PPP6R2: variants seen among roughly 807,000 people sequenced by gnomAD.
PPP6R2 encodes the protein serine/threonine-protein phosphatase 6 regulatory subunit 2.
In PPP6R2, 62 loss-of-function variants were observed where a neutral mutation model predicts 100.2. The observed-to-expected ratio is 0.62, with a 90% CI of 0.50 to 0.76. The LOEUF (loss-of-function observed/expected upper bound fraction) is 0.76, where lower values mean the gene tolerates loss of function less well. PPP6R2 is among the 30% of genes least tolerant of loss of function. PPP6R2 has a pLI of 0.00. For synonymous variants in PPP6R2, 525 were observed against 514.7 expected (o/e 1.02, Z -0.27); for missense variants, 1,142 against 1,276.3 (o/e 0.89, Z 1.60).
At chr22:50,352,309 C>G (rs1051029481) in intron 1 of PPP6R2, among the ~76,000 whole-genome samples, 5 of 152,190 alleles carry the variant, frequency 3.3e-5, no homozygotes, top group East Asian at 1.9e-4. Flanking sequence ...ATGAAACAAC[C>G]TCCGCTAGCT....
At chr22:50,351,743 C>T (rs1056002563) in intron 1 of PPP6R2, among the ~76,000 whole-genome samples, 3 of 152,126 alleles carry the variant, frequency 2.0e-5, no homozygotes, top group African/African-American at 7.2e-5. Context: ...AAGTGATTCT[C>T]CTGCCTCAGC....
chr22:50,333,700 G>C, the PPP6R2 span, among the ~76,000 whole-genome samples: 1 of 152,130 alleles, frequency 6.6e-6, no homozygotes, highest in Non-Finnish European at 1.5e-5. Context: ...GGGCCTGTTG[G>C]TTTTTCTTTT....
chr22:50,422,839 C>A (rs889869612), intron 9 of PPP6R2, among the ~76,000 whole-genome samples: 1 of 152,202 alleles, frequency 6.6e-6, no homozygotes, highest in African/African-American at 2.4e-5. Context: ...CTGCATAGCA[C>A]CCTCCTGACC....
the PPP6R2 span, among the ~76,000 whole-genome samples, chr22:50,337,812 G>C: frequency 6.8e-6 from 1 of 145,994 alleles, no homozygotes; most frequent in South Asian, 2.2e-4. Flanking sequence ...GGGCATGTGT[G>C]CTATCTGGGT....
intron 2 of PPP6R2, among the ~76,000 whole-genome samples, chr22:50,389,579 A>T (rs534940487): frequency 2.2e-4 from 30 of 137,148 alleles, no homozygotes; most frequent in Non-Finnish European, 3.8e-4. Flanking sequence ...TTTGAGATGG[A>T]GTCTCGCGCT....
At chr22:50,432,172 C>T (rs1375551063) in intron 11 of PPP6R2, 93 bp from the exon 12 acceptor site, 19 of 1,214,918 alleles carry the variant, frequency 1.6e-5, no homozygotes, top group Middle Eastern at 2.2e-4. Flanking sequence ...CAGACGTGGC[C>T]GCCAGCCAGC....
intron 3 of PPP6R2, among the ~76,000 whole-genome samples, chr22:50,405,502 T>G (rs1477038591): frequency 1.3e-5 from 1 of 76,814 alleles, no homozygotes; most frequent in Non-Finnish European, 2.6e-5. Context: ...CAGACGAGTG[T>G]GAAGGCCTGG....
At chr22:50,354,892 A>C (rs2046126170) in intron 1 of PPP6R2, among the ~76,000 whole-genome samples, 1 of 137,186 alleles carries the variant, frequency 7.3e-6, no homozygotes, top group Non-Finnish European at 1.6e-5. Flanking sequence ...TTTTTGAGAC[A>C]GTCTCATTCT....
upstream of PPP6R2, among the ~76,000 whole-genome samples, chr22:50,340,001 G>A (rs571207105): frequency 2.4e-4 from 33 of 137,274 alleles, no homozygotes; most frequent in East Asian, 7.3e-3. Context: ...GTTATGTGGC[G>A]TGTGTGTGGT....
Position 50,437,059 on chromosome 22 carries a change from C to A in PPP6R2, c.1674C>A (p.Ser558=). The change falls in exon 15 of 24, where the codon TCC becomes TCA. Residue 558 remains serine (S), a synonymous_variant. Transcript: ENST00000612753. ...AGGGTGCTTTCCCTAACGAGCTGTCCCTTCAGCAGGTGAGGGCGTGGCCGG... is the reference window on the plus strand; with the variant it reads ...AGGGTGCTTTCCCTAACGAGCTGTCACTTCAGCAGGTGAGGGCGTGGCCGG... ...DIEGAFPNEL[S]LQQAFSDYQI... 1 of 1,560,404 alleles carries A rather than the reference C, an allele frequency of 6.4e-7. No individual in the cohort carries two copies. The highest frequency in any genetic ancestry group is 2.4e-5 in the East Asian group (1 of 41,728).
At chr22:50,333,610 T>G in the PPP6R2 span, among the ~76,000 whole-genome samples, 4 of 152,288 alleles carry the variant, frequency 2.6e-5, no homozygotes, top group South Asian at 4.1e-4. Context: ...GGGATTACAG[T>G]CATGAGCCAC....
intron 3 of PPP6R2, among the ~76,000 whole-genome samples, chr22:50,400,078 A>G (rs1353157422): frequency 2.0e-5 from 3 of 152,238 alleles, no homozygotes; most frequent in Non-Finnish European, 4.4e-5. Context: ...TGATTGCAGA[A>G]TTAGAACTGC....
At chr22:50,376,778 G>A (rs993920649) in intron 2 of PPP6R2, among the ~76,000 whole-genome samples, 4 of 152,100 alleles carry the variant, frequency 2.6e-5, no homozygotes, top group African/African-American at 9.7e-5. Flanking sequence ...AGTGGCTCAC[G>A]CCTGTAATCC....
At chr22:50,364,570 A>G (rs895228115) in intron 1 of PPP6R2, among the ~76,000 whole-genome samples, 3 of 152,380 alleles carry the variant, frequency 2.0e-5, no homozygotes, top group Non-Finnish European at 2.9e-5. Flanking sequence ...AAACTGAGTT[A>G]TAATTCTCTG....
intron 2 of PPP6R2, among the ~76,000 whole-genome samples, chr22:50,372,547 TCAAAACAAAA>T (rs775994538): frequency 3.9e-5 from 6 of 151,984 alleles, no homozygotes; most frequent in Admixed American, 6.6e-5. Context: ...AGACTCTGTT[TCAAAACAAAA>T]CAAAACAAAA....
intron 8 of PPP6R2, among the ~76,000 whole-genome samples, chr22:50,422,028 G>A (rs1486241976): frequency 6.6e-6 from 1 of 152,062 alleles, no homozygotes; most frequent in Non-Finnish European, 1.5e-5. Flanking sequence ...CCATATTCTC[G>A]GATGTCGCAA....
intron 3 of PPP6R2, among the ~76,000 whole-genome samples, chr22:50,403,615 C>T (rs542907906): frequency 1.8e-4 from 28 of 152,214 alleles, no homozygotes; most frequent in Non-Finnish European, 3.5e-4. Context: ...CGCCAGCTCT[C>T]AGGCCCCCTC....
At chr22:50,392,325 A>G (rs2055765509) in intron 2 of PPP6R2, among the ~76,000 whole-genome samples, 1 of 147,504 alleles carries the variant, frequency 6.8e-6, no homozygotes, top group Admixed American at 6.9e-5. Context: ...AACATAGTGA[A>G]TCCCTGTCTC....
At chr22:50,401,825 A>G (rs1258231118) in intron 3 of PPP6R2, among the ~76,000 whole-genome samples, 1 of 142,622 alleles carries the variant, frequency 7.0e-6, no homozygotes, top group South Asian at 2.3e-4. Context: ...TAGTAGAGAC[A>G]GGGTTTCACC....
Sources: allele counts gnomAD v4.1 joint callset (sites outside exome capture counted in the v4.1 genomes callset), GRCh38; gene constraint gnomAD v4.1.1; transcripts MANE v1.5; gene names NCBI Gene and HGNC (gene_info 2026-07-23, HGNC 2026-07-21).